DYM: variants seen among roughly 807,000 people sequenced by gnomAD.
DYM encodes the protein dyggve-Melchior-Clausen syndrome protein.
DYM carries 78 observed loss-of-function variants against 93.1 expected under a neutral mutation model. The observed-to-expected ratio is 0.84, with a 90% CI of 0.70 to 1.01. The LOEUF (loss-of-function observed/expected upper bound fraction) is 1.01. Among genes scored for constraint, DYM ranks in the 50% least tolerant of loss-of-function variants. DYM has a pLI of 0.00. For synonymous variants in DYM, 321 were observed against 319.7 expected (o/e 1.00, Z -0.04); for missense variants, 789 against 845.0 (o/e 0.93, Z 0.82).
chr18:49,457,208 T>A (rs915336096), intron 1 of DYM, among the ~76,000 whole-genome samples: 2 of 152,076 alleles, frequency 1.3e-5, no homozygotes, highest in African/African-American at 4.8e-5. Context: ...TCATTAGGAG[T>A]CTTCTTTTGC....
chr18:49,133,285 C>A (rs532836760), intron 15 of DYM, among the ~76,000 whole-genome samples: 1 of 152,222 alleles, frequency 6.6e-6, no homozygotes, highest in African/African-American at 2.4e-5. Context: ...ACCATGCCCA[C>A]GGATTTACTT....
chr18:49,115,638 T>C (rs1271033548), intron 16 of DYM, among the ~76,000 whole-genome samples: 1 of 152,098 alleles, frequency 6.6e-6, no homozygotes, highest in Non-Finnish European at 1.5e-5. Flanking sequence ...AGACTGAAAA[T>C]GGACATGTTG....
At chr18:49,318,621 C>CT (rs1441283093) in intron 8 of DYM, among the ~76,000 whole-genome samples, 1 of 151,032 alleles carries the variant, frequency 6.6e-6, no homozygotes, top group African/African-American at 2.4e-5. Context: ...ACTCTGTCCC[C>CT]CCACAAAAAA....
chr18:49,416,746 T>C (rs2073035556), intron 2 of DYM, among the ~76,000 whole-genome samples: 1 of 152,048 alleles, frequency 6.6e-6, no homozygotes, highest in Admixed American at 6.6e-5. Flanking sequence ...TTCCACCTAC[T>C]CACCCTACTT....
At chr18:49,421,010 C>G (rs529573367) in intron 2 of DYM, among the ~76,000 whole-genome samples, 1 of 152,010 alleles carries the variant, frequency 6.6e-6, no homozygotes, top group Non-Finnish European at 1.5e-5. Context: ...ACAAAGCAGC[C>G]GGGAAGCCCA....
In DYM at chr18:49,379,645, G is replaced by A. The variant is rs760724950; in HGVS notation, c.287+20C>T. ...ACATTGTTAAATATAAAGCAAACAT[G>A]GTTTAATTAGCCAGCTTACTTCTGA... On this transcript the variant is annotated intron_variant, in intron 4 of 17. Coordinates refer to ENST00000675505, the MANE Select transcript of DYM (RefSeq NM_001353214.3). 5 of 1,570,968 alleles carry A rather than the reference G, an allele frequency of 3.2e-6. No individual in the cohort carries two copies. Among genetic ancestry groups the A allele is most frequent in the Non-Finnish European group, 4.4e-6 (5 of 1,141,272 alleles).
At chr18:49,430,152 TAGA>T in intron 2 of DYM, 100 bp downstream of exon 2, 1 of 1,078,086 alleles carries the variant, frequency 9.3e-7, no homozygotes. Flanking sequence ...ACAGATAGAC[TAGA>T]TAGATAGACA....
intron 1 of DYM, among the ~76,000 whole-genome samples, chr18:49,459,856 AG>A (rs1487482540): frequency 2.0e-5 from 3 of 150,486 alleles, no homozygotes; most frequent in Admixed American, 6.6e-5. Flanking sequence ...GACTGAAAGT[AG>A]ATCAATAGTG....
intron 17 of DYM, among the ~76,000 whole-genome samples, chr18:49,049,124 T>C (rs357854): frequency 0.17 from 25,169 of 152,248 alleles, 2,746 homozygotes; most frequent in Admixed American, 0.33. Context: ...TGATCATTAT[T>C]TCCATAGAAG....
chr18:49,096,776 G>A (rs1040974128), intron 17 of DYM, among the ~76,000 whole-genome samples: 39 of 152,094 alleles, frequency 2.6e-4, no homozygotes, highest in African/African-American at 8.7e-4. Context: ...CCTTCTCCAC[G>A]AAGTGCATCT....
At chr18:49,290,124 G>C (rs750772774) in intron 8 of DYM, among the ~76,000 whole-genome samples, 2 of 151,218 alleles carry the variant, frequency 1.3e-5, no homozygotes, top group Non-Finnish European at 2.9e-5. Flanking sequence ...AGCATGTATA[G>C]GAATGTTTAC....
chr18:49,309,892 G>A (rs1355122339), intron 8 of DYM, among the ~76,000 whole-genome samples: 2 of 152,052 alleles, frequency 1.3e-5, no homozygotes, highest in Non-Finnish European at 2.9e-5. Flanking sequence ...TGCACAGAAG[G>A]GTCGAAATCA....
At chr18:49,106,067 A>G (rs1192713095) in intron 16 of DYM, among the ~76,000 whole-genome samples, 2 of 152,128 alleles carry the variant, frequency 1.3e-5, no homozygotes, top group African/African-American at 4.8e-5. Context: ...GTCTCTAAGG[A>G]CTTGCTTTAT....
intron 10 of DYM, among the ~76,000 whole-genome samples, chr18:49,275,178 C>T (rs959511183): frequency 1.3e-5 from 2 of 152,072 alleles, no homozygotes; most frequent in African/African-American, 2.4e-5. Context: ...CAACTTTATT[C>T]CTTTGCAAGT....
At chr18:49,424,562 G>A (rs987884760) in intron 2 of DYM, among the ~76,000 whole-genome samples, 1 of 151,884 alleles carries the variant, frequency 6.6e-6, no homozygotes, top group Non-Finnish European at 1.5e-5. Context: ...TCAAGCAGAA[G>A]AAAGAAATAA....
chr18:49,343,426 C>G (rs1008468603), intron 6 of DYM, among the ~76,000 whole-genome samples: 29 of 152,326 alleles, frequency 1.9e-4, no homozygotes, highest in Middle Eastern at 3.4e-3. Context: ...AGGACTCTGT[C>G]TTTGACTTTA....
intron 5 of DYM, among the ~76,000 whole-genome samples, chr18:49,375,318 TATTC>T (rs1328570717): frequency 2.0e-5 from 3 of 151,632 alleles, no homozygotes; most frequent in East Asian, 1.9e-4. Flanking sequence ...CACACACACA[TATTC>T]ATTGTCATTT....
intron 8 of DYM, among the ~76,000 whole-genome samples, chr18:49,301,485 C>T (rs1034963318): frequency 6.1e-5 from 9 of 147,928 alleles, no homozygotes; most frequent in Admixed American, 2.0e-4. Flanking sequence ...TGCACCACTG[C>T]GCTCCAGCCT....
At chr18:49,098,183 A>T (rs185017425) in intron 16 of DYM, among the ~76,000 whole-genome samples, 1 of 152,350 alleles carries the variant, frequency 6.6e-6, no homozygotes, top group East Asian at 1.9e-4. Context: ...TTAAAACCAC[A>T]ATGTTCATAA....
Sources: gnomAD v4.1 joint callset for allele counts (sites outside exome capture counted in the v4.1 genomes callset) on GRCh38, gnomAD v4.1.1 for gene constraint, MANE v1.5 for transcripts, NCBI Gene and HGNC (gene_info 2026-07-23, HGNC 2026-07-21) for gene names.